Variants in DACH2 observed in about 807,000 individuals in gnomAD.
DACH2 encodes the protein dachshund homolog 2.
DACH2 carries 17 observed loss-of-function variants against 35.8 expected under a neutral mutation model. The ratio of observed to expected loss-of-function variants is 0.48; its 90% CI spans 0.33 to 0.71. The LOEUF (loss-of-function observed/expected upper bound fraction) is 0.71. Among genes scored for constraint, DACH2 ranks in the 30% least tolerant of loss-of-function variants. The pLI, the probability that DACH2 is intolerant of heterozygous loss-of-function variation, is 0.02. For missense variants in DACH2, 469 were observed against 472.7 expected (o/e 0.99, Z 0.07); for synonymous variants, 195 against 177.3 (o/e 1.10, Z -0.79).
At chrX:86,696,944 G>T (rs960853193) in intron 5 of DACH2, among the ~76,000 whole-genome samples, 1 of 111,729 alleles carries the variant, frequency 9.0e-6, no homozygotes, top group African/African-American at 3.3e-5. Context: ...AAAGAAAACT[G>T]TTTTACCAGA....
At chrX:86,800,032 A>G (rs1002766493) in intron 7 of DACH2, among the ~76,000 whole-genome samples, 2 of 112,412 alleles carry the variant, frequency 1.8e-5, no homozygotes, top group African/African-American at 6.5e-5. Context: ...TTATTGTGCT[A>G]TAAGAAGAAG....
At chrX:86,357,872 A>G (rs1210107951) in intron 1 of DACH2, among the ~76,000 whole-genome samples, 1 of 112,293 alleles carries the variant, frequency 8.9e-6, no homozygotes, top group Non-Finnish European at 1.9e-5. Context: ...ATTTATGACT[A>G]TCTTCTCCCA....
chrX:86,407,703 A>G (rs1259803421), intron 2 of DACH2, among the ~76,000 whole-genome samples: 7 of 112,173 alleles, frequency 6.2e-5, no homozygotes, highest in Admixed American at 2.9e-4. Context: ...CTAGAGGCCC[A>G]AAGATTTAAA....
chrX:86,632,192 T>G (rs6623744), intron 3 of DACH2, among the ~76,000 whole-genome samples: 25,173 of 109,924 alleles, frequency 0.23, 2,700 homozygotes, highest in East Asian at 0.47. Flanking sequence ...TGAATTTTGG[T>G]ATTAGTAAAG....
chrX:86,187,428 T>G (rs996245291), intron 1 of DACH2, among the ~76,000 whole-genome samples: 2 of 107,206 alleles, frequency 1.9e-5, no homozygotes, highest in Non-Finnish European at 3.9e-5. Flanking sequence ...TTTTTTTTTT[T>G]TTTTTTCGAG....
At chrX:86,546,924 C>T (rs760626184) in intron 3 of DACH2, among the ~76,000 whole-genome samples, 1 of 110,540 alleles carries the variant, frequency 9.0e-6, no homozygotes, top group Non-Finnish European at 1.9e-5. Context: ...TTCTGAACTG[C>T]GCCCATTTTC....
chrX:86,594,300 G>T (rs1432850993), intron 3 of DACH2, among the ~76,000 whole-genome samples: 1 of 110,904 alleles, frequency 9.0e-6, no homozygotes, highest in Non-Finnish European at 1.9e-5. Context: ...AGAGAATCAA[G>T]TTTTAGTTTC....
chrX:86,775,474 C>T (rs1026696436), intron 7 of DACH2, among the ~76,000 whole-genome samples: 2 of 111,422 alleles, frequency 1.8e-5, no homozygotes, highest in Non-Finnish European at 3.8e-5. Context: ...GGGCTCCTTA[C>T]GAGAATCTAA....
rs548826894 is a variant in DACH2 at position 86,343,150 on chromosome X, A to G, written c.489-33674A>G. 6.9e-4 allele frequency among the ~76,000 whole-genome samples: 77 copies of G among 111,778 alleles called. 1 individual carries two copies. In the South Asian group the frequency reaches 0.029, roughly 42 times the overall value. On this transcript the variant is annotated intron_variant, in intron 1 of 11. Coordinates refer to ENST00000373125, the MANE Select transcript of DACH2 (RefSeq NM_053281.3). Reference sequence around the variant, plus strand: ...ATTAGGATGGTCTTGAATTTAATCTATAATATCTCTAAGGTATGCCTGTAC... The same window carrying G: ...ATTAGGATGGTCTTGAATTTAATCTGTAATATCTCTAAGGTATGCCTGTAC...
chrX:86,349,687 T>G (rs1436459518), intron 1 of DACH2, among the ~76,000 whole-genome samples: 1 of 112,525 alleles, frequency 8.9e-6, no homozygotes, highest in Non-Finnish European at 1.9e-5. Flanking sequence ...ATAATCTGGT[T>G]AAATACTCTT....
chrX:86,269,824 C>T (rs2033780180), intron 1 of DACH2, among the ~76,000 whole-genome samples: 2 of 109,479 alleles, frequency 1.8e-5, no homozygotes, highest in African/African-American at 6.6e-5. Context: ...AAAAAGTACT[C>T]TGAGGCTTTT....
At chrX:86,396,685 G>C (rs1320264708) in intron 2 of DACH2, among the ~76,000 whole-genome samples, 1 of 111,188 alleles carries the variant, frequency 9.0e-6, no homozygotes, top group African/African-American at 3.3e-5. Context: ...GTTTGTCAAA[G>C]ATCAGATAGT....
Position 86,294,929 on chromosome X carries a change from T to A in DACH2, c.489-81895T>A, listed in dbSNP as rs778870950. Among the ~76,000 whole-genome samples the A allele has an allele frequency of 1.7e-3, 192 of 111,369 alleles. 1 individual carries two copies. Among genetic ancestry groups the A allele is most frequent in the African/African-American group, 6.0e-3 (185 of 30,672 alleles). On this transcript the variant is annotated intron_variant, in intron 1 of 11. Coordinates refer to ENST00000373125, the MANE Select transcript of DACH2 (RefSeq NM_053281.3). ...GCCTACAGAGGCAGGCAGGCCTCCT[T>A]GAGCTGTGGTGGGCTCCACCCAGTT...
In DACH2 at chrX:86,569,163, A is replaced by G. The variant is rs763523933; in HGVS notation, c.640+54772A>G. On this transcript the variant is annotated intron_variant, in intron 3 of 11. Coordinates refer to ENST00000373125, the MANE Select transcript of DACH2 (RefSeq NM_053281.3). The stretch of plus-strand genomic sequence containing the variant: ...TCAAACTCTTGTCTTCCTTACTAAT[A>G]CTCATTTCACCAAGCACCTTTTCCC... Among the ~76,000 whole-genome samples the G allele has an allele frequency of 3.4e-3, 381 of 110,820 alleles. 1 individual carries two copies. The highest frequency in any genetic ancestry group is 0.011 in the African/African-American group (345 of 30,564).
chrX:86,247,840 A>G (rs1242956668), intron 1 of DACH2, among the ~76,000 whole-genome samples: 1 of 111,291 alleles, frequency 9.0e-6, no homozygotes, highest in Non-Finnish European at 1.9e-5. Flanking sequence ...AAGCAAATCC[A>G]TCATGATCAA....
chrX:86,313,599 G>T (rs1390064368), intron 1 of DACH2, among the ~76,000 whole-genome samples: 1 of 112,071 alleles, frequency 8.9e-6, no homozygotes, highest in East Asian at 2.8e-4. Context: ...CTTGTAAACT[G>T]AAGGCAATTA....
At chrX:86,404,529 T>G (rs967713369) in intron 2 of DACH2, among the ~76,000 whole-genome samples, 1 of 112,535 alleles carries the variant, frequency 8.9e-6, no homozygotes, top group African/African-American at 3.2e-5. Context: ...ATCCAGGTTA[T>G]GCTGATGCAA....
At chrX:86,183,396 T>A (rs1188996069) in intron 1 of DACH2, among the ~76,000 whole-genome samples, 1 of 112,244 alleles carries the variant, frequency 8.9e-6, no homozygotes, top group Non-Finnish European at 1.9e-5. Flanking sequence ...GTGTGTTGAA[T>A]TTTATCAAAG....
rs200413091 is a variant in DACH2, at chrX:86,359,084, C to CTT, written c.489-17740_489-17739insTT. 5.0e-4 allele frequency among the ~76,000 whole-genome samples: 49 copies of CTT among 98,514 alleles called. No homozygotes were observed. In the East Asian group the frequency reaches 5.7e-3, roughly 11 times the overall value. The allele number at this position is 98,514 out of a possible 115,157, so 85.5% of individuals were successfully genotyped here. On this transcript the variant is annotated intron_variant, in intron 1 of 11. Transcript: ENST00000373125. ...GAGAAATAGAACCATTATATTTTGT[C>CTT]GTGTGTGTGTGTGTGTGTGTGTGTG... is the stretch of plus-strand genomic sequence containing the variant.
Sources: allele counts gnomAD v4.1 joint callset (sites outside exome capture counted in the v4.1 genomes callset), GRCh38; gene constraint gnomAD v4.1.1; transcripts MANE v1.5; gene names NCBI Gene and HGNC (gene_info 2026-07-23, HGNC 2026-07-21).